Variants in KIAA1217 observed in about 807,000 individuals in gnomAD.
KIAA1217 encodes sickle tail protein homolog.
Under a neutral mutation model 163.9 loss-of-function variants are expected in KIAA1217, and 88 were observed. The observed-to-expected ratio is 0.54, with a 90% CI of 0.45 to 0.64. The LOEUF (loss-of-function observed/expected upper bound fraction) is 0.64, where lower values mean the gene tolerates loss of function less well. Among genes scored for constraint, KIAA1217 ranks in the 30% least tolerant of loss-of-function variants. The pLI, the probability that KIAA1217 is intolerant of heterozygous loss-of-function variation, is 0.00. For missense variants in KIAA1217, 2,372 were observed against 2,475.0 expected, an observed-to-expected ratio of 0.96 and a Z score of 0.88; for synonymous variants, 903 against 923.1, an observed-to-expected ratio of 0.98 and a Z score of 0.39.
At chr10:23,744,370 G>T (rs562216850) in intron 1 of KIAA1217, among the ~76,000 whole-genome samples, 2 of 152,208 alleles carry the variant, frequency 1.3e-5, no homozygotes, top group South Asian at 4.2e-4. Flanking sequence ...AGATGTGTAG[G>T]TTACCTCTAG....
Position 24,124,138 on chromosome 10 carries a change from T to C in KIAA1217, c.-170-95488T>C, listed in dbSNP as rs183088213. Among the ~76,000 whole-genome samples, 253 of 152,270 alleles carry C rather than the reference T, an allele frequency of 1.7e-3. 2 individuals carry two copies. Among genetic ancestry groups the C allele is most frequent in the African/African-American group, 5.7e-3 (238 of 41,586 alleles). On this transcript the variant is annotated intron_variant, in intron 2 of 18. Transcript: ENST00000376462. ...TTAAGAAACATTTCTCCACATAATT[T>C]AATAAAGTTCTTTTTCTATGCTTTC...
chr10:23,998,466 A>G (rs1419450214), intron 1 of KIAA1217, among the ~76,000 whole-genome samples: 4 of 152,180 alleles, frequency 2.6e-5, no homozygotes, highest in Admixed American at 1.3e-4. Context: ...ATTCAAATAC[A>G]TGGGAGGCCA....
chr10:24,117,264 T>A (rs1363592185), intron 2 of KIAA1217, among the ~76,000 whole-genome samples: 1 of 152,168 alleles, frequency 6.6e-6, no homozygotes, highest in African/African-American at 2.4e-5. Context: ...CTCGATCTCC[T>A]GACCTCAGGT....
At chr10:23,830,846 ACACT>A (rs1447331119) in intron 1 of KIAA1217, among the ~76,000 whole-genome samples, 4 of 151,802 alleles carry the variant, frequency 2.6e-5, no homozygotes, top group East Asian at 3.9e-4. Flanking sequence ...ACACACACAC[ACACT>A]CACTCACATA....
intron 3 of KIAA1217, among the ~76,000 whole-genome samples, chr10:24,414,218 T>C (rs1020297279): frequency 6.6e-5 from 10 of 152,250 alleles, no homozygotes; most frequent in Admixed American, 2.0e-4. Flanking sequence ...GTATGCCACA[T>C]AGGTTGAATT....
intron 1 of KIAA1217, among the ~76,000 whole-genome samples, chr10:23,924,244 G>A (rs892541998): frequency 3.3e-5 from 5 of 151,506 alleles, no homozygotes; most frequent in African/African-American, 1.2e-4. Context: ...CGGCAGCAAT[G>A]GGAAACTAAG....
intron 5 of KIAA1217, chr10:24,449,359 GACA>G (rs2061217635): frequency 1.7e-6 from 1 of 588,254 alleles, no homozygotes; most frequent in Non-Finnish European, 2.1e-6. Context: ...GAGAGGTTAT[GACA>G]ACATGAGCCA....
intron 5 of KIAA1217, among the ~76,000 whole-genome samples, chr10:24,462,135 G>A (rs1292541138): frequency 2.0e-5 from 3 of 151,224 alleles, no homozygotes; most frequent in Non-Finnish European, 2.9e-5. Flanking sequence ...GTATAATATC[G>A]ATAGGTATAT....
At chr10:24,158,434 A>C (rs749708112) in intron 2 of KIAA1217, 1 of 570,586 alleles carries the variant, frequency 1.8e-6, no homozygotes, top group Non-Finnish European at 3.5e-6. Context: ...CTTAAAACAC[A>C]TGATGTCTAA....
At chr10:24,390,871 A>G (rs911455574) in intron 3 of KIAA1217, among the ~76,000 whole-genome samples, 4 of 152,206 alleles carry the variant, frequency 2.6e-5, no homozygotes, top group African/African-American at 9.6e-5. Flanking sequence ...TTGCTGAAAA[A>G]AGGCAGCGTT....
At chr10:24,434,364 G>A (rs2059856737) in intron 4 of KIAA1217, among the ~76,000 whole-genome samples, 1 of 152,046 alleles carries the variant, frequency 6.6e-6, no homozygotes, top group South Asian at 2.1e-4. Context: ...TGAAGACAGG[G>A]TCTTGCTCTG....
chr10:24,365,584 C>T (rs1208788559), intron 2 of KIAA1217, among the ~76,000 whole-genome samples: 2 of 152,150 alleles, frequency 1.3e-5, no homozygotes, highest in African/African-American at 4.8e-5. Flanking sequence ...GCAACCCTCA[C>T]CTTTCTGGTG....
At chr10:24,051,696 C>T (rs1364132718) in intron 2 of KIAA1217, among the ~76,000 whole-genome samples, 4 of 152,010 alleles carry the variant, frequency 2.6e-5, no homozygotes, top group Non-Finnish European at 5.9e-5. Flanking sequence ...ATTTGCATTT[C>T]CCTGATAGTG....
At chr10:23,802,042 T>G (rs991120276) in intron 1 of KIAA1217, among the ~76,000 whole-genome samples, 2 of 152,184 alleles carry the variant, frequency 1.3e-5, no homozygotes, top group Non-Finnish European at 2.9e-5. Context: ...TTCAGGACCT[T>G]CTTGGAAATA....
intron 2 of KIAA1217, among the ~76,000 whole-genome samples, chr10:24,318,966 GA>G (rs1204663114): frequency 3.3e-5 from 5 of 152,212 alleles, no homozygotes; most frequent in African/African-American, 1.2e-4. Flanking sequence ...CACGGTTTGG[GA>G]GCTGCAGGTA....
At chr10:23,726,900 C>T (rs946341879) in intron 1 of KIAA1217, among the ~76,000 whole-genome samples, 1 of 150,964 alleles carries the variant, frequency 6.6e-6, no homozygotes, top group Non-Finnish European at 1.5e-5. Context: ...TTCTTGTGAG[C>T]TTACCAGAAT....
intron 2 of KIAA1217, among the ~76,000 whole-genome samples, chr10:24,088,249 TAATATACA>T (rs1403679882): frequency 2.4e-5 from 2 of 84,726 alleles, no homozygotes; most frequent in African/African-American, 1.3e-4. Flanking sequence ...TCTGTTTTTT[TAATATACA>T]TATATATATA....
At chr10:24,519,186 C>T (rs573911859) in intron 10 of KIAA1217, among the ~76,000 whole-genome samples, 8 of 152,270 alleles carry the variant, frequency 5.3e-5, no homozygotes, top group African/African-American at 1.9e-4. Flanking sequence ...TCACTTACTG[C>T]CCCCTAGTGG....
intron 1 of KIAA1217, among the ~76,000 whole-genome samples, chr10:23,754,209 A>G (rs532622657): frequency 1.3e-5 from 2 of 152,374 alleles, no homozygotes; most frequent in Non-Finnish European, 2.9e-5. Context: ...AAACAAATGT[A>G]TGAATAACAC....
Sources: allele counts gnomAD v4.1 joint callset (sites outside exome capture counted in the v4.1 genomes callset), GRCh38; gene constraint gnomAD v4.1.1; transcripts MANE v1.5; gene names NCBI Gene and HGNC (gene_info 2026-07-23, HGNC 2026-07-21).